The following CNTN4 variants were observed in gnomAD, a reference collection of about 807,000 sequenced individuals.
CNTN4 encodes contactin-4.
A neutral mutation model predicts 122.5 loss-of-function variants in CNTN4; 77 were observed. That is an observed-to-expected ratio of 0.63 (90% CI 0.52 to 0.76). The LOEUF (loss-of-function observed/expected upper bound fraction) is 0.76, where lower values mean the gene tolerates loss of function less well. Ranked by LOEUF, CNTN4 falls within the 30% of genes least tolerant of loss-of-function variation. CNTN4 has a pLI of 0.00. For synonymous variants in CNTN4, 512 were observed against 447.0 expected, an observed-to-expected ratio of 1.15 and a Z score of -1.83; for missense variants, 1,256 against 1,259.1, an observed-to-expected ratio of 1.00 and a Z score of 0.04.
At chr3:2,472,952 G>T (rs778506662) in intron 3 of CNTN4, among the ~76,000 whole-genome samples, 1 of 152,076 alleles carries the variant, frequency 6.6e-6, no homozygotes, top group Non-Finnish European at 1.5e-5. Context: ...TAGCATAGTC[G>T]GCAGGGCGTG....
chr3:2,833,503 T>A (rs2093148312), intron 7 of CNTN4, among the ~76,000 whole-genome samples: 1 of 152,242 alleles, frequency 6.6e-6, no homozygotes, highest in Non-Finnish European at 1.5e-5. Flanking sequence ...TATTGTTTTA[T>A]TGTTTAATAT....
At chr3:2,716,885 C>A (rs1016667788) in intron 4 of CNTN4, among the ~76,000 whole-genome samples, 4 of 152,026 alleles carry the variant, frequency 2.6e-5, no homozygotes, top group African/African-American at 9.7e-5. Flanking sequence ...CAATATGTGA[C>A]CTTCTGTATC....
chr3:2,352,818 C>A (rs1044962617), intron 3 of CNTN4, among the ~76,000 whole-genome samples: 2 of 152,206 alleles, frequency 1.3e-5, no homozygotes, highest in Non-Finnish European at 2.9e-5. Context: ...CTAGGCGAAG[C>A]CAGCTGGGCT....
At position 2,827,916 on chromosome 3, in the gene CNTN4, A is replaced by C. The variant is rs1163865607; in HGVS notation, c.454+8335A>C. Among the ~76,000 whole-genome samples, 7 of 152,196 alleles carry C rather than the reference A, an allele frequency of 4.6e-5. No individual in the cohort carries two copies. The East Asian group carries it at 1.3e-3, about 29-fold the overall frequency. Reference sequence around the variant, plus strand: ...AACATATTTTTATATGGCAGCTTAAAAAAAGCAAAATGTGAGATTTTTAAA... The same window carrying C: ...AACATATTTTTATATGGCAGCTTAACAAAAGCAAAATGTGAGATTTTTAAA... On this transcript the variant is annotated intron_variant, in intron 7 of 24. Coordinates refer to ENST00000418658, the MANE Select transcript of CNTN4 (RefSeq NM_175607.3).
chr3:2,315,958 A>G (rs553973436), intron 2 of CNTN4, among the ~76,000 whole-genome samples: 3 of 152,160 alleles, frequency 2.0e-5, no homozygotes, highest in African/African-American at 7.2e-5. Flanking sequence ...AATCCCAAAT[A>G]TCACTTAGTC....
chr3:2,256,876 C>A (rs545007130), intron 2 of CNTN4, among the ~76,000 whole-genome samples: 1 of 152,072 alleles, frequency 6.6e-6, no homozygotes, highest in Non-Finnish European at 1.5e-5. Flanking sequence ...AAGTAATTTA[C>A]AGATTCAATG....
rs113701240 is a variant in CNTN4 at position 2,802,659 on chromosome 3, G to A, written c.359-16827G>A. Among the ~76,000 whole-genome samples the A allele has an allele frequency of 3.7e-3, 560 of 152,218 alleles. 3 individuals carry two copies. The highest frequency in any genetic ancestry group is 8.2e-3 in the African/African-American group (342 of 41,544). ...ATGAAAATGGTGTGACCAGAGACTC[G>A]CAGAAACCTAACCCTGTATTTCCCC... On this transcript the variant is annotated intron_variant, in intron 6 of 24. Coordinates refer to ENST00000418658, the MANE Select transcript of CNTN4 (RefSeq NM_175607.3).
intron 6 of CNTN4, among the ~76,000 whole-genome samples, chr3:2,753,680 A>G (rs971513437): frequency 7.2e-5 from 11 of 152,176 alleles, no homozygotes; most frequent in Non-Finnish European, 1.2e-4. Flanking sequence ...TTCAATCCGT[A>G]GATTTGGGTG....
chr3:2,206,854 A>G (rs951356220), intron 2 of CNTN4, among the ~76,000 whole-genome samples: 7 of 148,316 alleles, frequency 4.7e-5, no homozygotes, highest in African/African-American at 9.9e-5. Context: ...TGCAGTTTGC[A>G]TTACTGCACT....
chr3:2,373,508 G>C (rs1284125932), intron 3 of CNTN4, among the ~76,000 whole-genome samples: 1 of 152,220 alleles, frequency 6.6e-6, no homozygotes, highest in Admixed American at 6.5e-5. Context: ...GGATACATGA[G>C]TTAGTGTTTG....
chr3:2,203,898 T>G (rs1389641564), intron 2 of CNTN4, among the ~76,000 whole-genome samples: 1 of 152,142 alleles, frequency 6.6e-6, no homozygotes, highest in African/African-American at 2.4e-5. Context: ...ATCTGACACA[T>G]AAGTTCAAAT....
rs73806666 is a variant in CNTN4, at chr3:2,503,337, A to G, written c.-88-68079A>G. 2.4e-3 allele frequency among the ~76,000 whole-genome samples: 372 copies of G among 152,294 alleles called. 4 individuals carry two copies. The highest frequency in any genetic ancestry group is 7.5e-3 in the African/African-American group (313 of 41,572). On this transcript the variant is annotated intron_variant, in intron 3 of 24. Transcript: ENST00000418658. ...ATATTAGTTGTAGAATCTAGAAAGGAGATACACAGTTGCTCACTGTATCAG... is the reference window on the plus strand; with the variant it reads ...ATATTAGTTGTAGAATCTAGAAAGGGGATACACAGTTGCTCACTGTATCAG...
At chr3:2,173,988 C>T (rs1033182910) in intron 2 of CNTN4, among the ~76,000 whole-genome samples, 14 of 152,028 alleles carry the variant, frequency 9.2e-5, no homozygotes, top group Admixed American at 2.6e-4. Flanking sequence ...AGAAGGGTGA[C>T]GATCTTGAGG....
intron 3 of CNTN4, among the ~76,000 whole-genome samples, chr3:2,419,643 G>C (rs1324977642): frequency 1.3e-5 from 2 of 152,170 alleles, no homozygotes; most frequent in Admixed American, 6.5e-5. Context: ...TTTTCAACCA[G>C]TTTTTAAAAC....
intron 4 of CNTN4, among the ~76,000 whole-genome samples, chr3:2,581,185 G>T (rs2079920703): frequency 6.6e-6 from 1 of 152,082 alleles, no homozygotes; most frequent in Non-Finnish European, 1.5e-5. Flanking sequence ...GGCCTCCAAG[G>T]GTTGTGTTTC....
chr3:2,130,798 A>C (rs1247255306), intron 2 of CNTN4, among the ~76,000 whole-genome samples: 1 of 152,194 alleles, frequency 6.6e-6, no homozygotes, highest in Non-Finnish European at 1.5e-5. Context: ...CTTGGGGTCA[A>C]AAGTAGTTTA....
chr3:2,675,728 G>T (rs62232715), intron 4 of CNTN4, among the ~76,000 whole-genome samples: 6,293 of 152,214 alleles, frequency 0.041, 163 homozygotes, highest in Middle Eastern at 0.1. Flanking sequence ...TCTAACAGGG[G>T]ACCCAGGTCT....
intron 13 of CNTN4, among the ~76,000 whole-genome samples, chr3:2,941,694 G>A (rs948005180): frequency 1.3e-5 from 2 of 152,164 alleles, no homozygotes; most frequent in African/African-American, 2.4e-5. Context: ...TTCTATACTC[G>A]CTCCCTTCCA....
chr3:2,173,558 G>C (rs2036606016), intron 2 of CNTN4, among the ~76,000 whole-genome samples: 1 of 152,166 alleles, frequency 6.6e-6, no homozygotes, highest in South Asian at 2.1e-4. Flanking sequence ...TGGATAGAAA[G>C]GGATAGATTG....
Sources: gnomAD v4.1 joint callset for allele counts (sites outside exome capture counted in the v4.1 genomes callset) on GRCh38, gnomAD v4.1.1 for gene constraint, MANE v1.5 for transcripts, NCBI Gene and HGNC (gene_info 2026-07-23, HGNC 2026-07-21) for gene names.